Variants in ATP2C2 observed in about 807,000 individuals in gnomAD.
ATP2C2 encodes the protein calcium-transporting ATPase type 2C member 2.
ATP2C2 carries 171 observed loss-of-function variants against 110.8 expected under a neutral mutation model. The observed-to-expected ratio is 1.54, with a 90% CI of 1.36 to 1.75. The LOEUF (loss-of-function observed/expected upper bound fraction) is 1.75, where lower values mean the gene tolerates loss of function less well. ATP2C2 is among the 40% of genes most tolerant of loss of function. The probability of loss-of-function intolerance (pLI) is 0.00; values close to 1 mark genes in which losing one functional copy is unlikely to be tolerated. For missense variants in ATP2C2, 1,963 were observed against 1,235.0 expected (o/e 1.59, Z -8.84); for synonymous variants, 804 against 508.4 (o/e 1.58, Z -7.82).
chr16:84,377,751 C>G (rs1036966276), intron 1 of ATP2C2, among the ~76,000 whole-genome samples: 6 of 152,020 alleles, frequency 3.9e-5, no homozygotes, highest in Admixed American at 1.3e-4. Flanking sequence ...TTGGACAACT[C>G]AGTCCAACAC....
chr16:84,379,668 C>T (rs1398965688), intron 1 of ATP2C2, among the ~76,000 whole-genome samples: 1 of 152,220 alleles, frequency 6.6e-6, no homozygotes, highest in Non-Finnish European at 1.5e-5. Flanking sequence ...TTGAGTACTG[C>T]TGCTCTGGGT....
intron 14 of ATP2C2, among the ~76,000 whole-genome samples, chr16:84,441,213 A>C (rs1225751262): frequency 6.6e-6 from 1 of 152,136 alleles, no homozygotes; most frequent in African/African-American, 2.4e-5. Flanking sequence ...CAGGAGAATC[A>C]CTTGAGGCCA....
intron 6 of ATP2C2, among the ~76,000 whole-genome samples, chr16:84,413,262 C>G (rs562451676): frequency 6.6e-6 from 1 of 152,218 alleles, no homozygotes; most frequent in East Asian, 1.9e-4. Context: ...ATCCCAGGCA[C>G]ATGTTGTGCA....
chr16:84,434,306 C>T (rs573401658), intron 11 of ATP2C2, among the ~76,000 whole-genome samples: 1 of 151,560 alleles, frequency 6.6e-6, no homozygotes, highest in African/African-American at 2.4e-5. Flanking sequence ...GTCCCAGCTA[C>T]TCGGGAGGCT....
At chr16:84,446,211 G>A in intron 15 of ATP2C2, 118 bp from the exon 16 acceptor site, 1 of 485,502 alleles carries the variant, frequency 2.1e-6, no homozygotes, top group Non-Finnish European at 3.5e-6. Context: ...TGTGCTAAAT[G>A]CTTGGATTTC....
chr16:84,405,009 C>A (rs549709836), intron 2 of ATP2C2, 119 bp from the exon 3 acceptor site: 2 of 865,186 alleles, frequency 2.3e-6, no homozygotes, highest in Non-Finnish European at 4.0e-6. Context: ...CCTTGGTGGA[C>A]AAGCCTGTGT....
rs1186687801 is a variant in ATP2C2, at chr16:84,463,859, C to G, written c.*127C>G. 2.3e-6 allele frequency: 2 copies of G among 868,164 alleles called. No individual in the cohort carries two copies. Among genetic ancestry groups the G allele is most frequent in the Non-Finnish European group, 3.6e-6 (2 of 549,080 alleles). 53.8% of individuals were successfully genotyped at this position (868,164 alleles called of 1,614,324 possible). A position where few individuals can be genotyped will look rare whatever the true frequency, so the allele number is the denominator to read the frequency against. ...CCTTCCATCACCGGATCAGTTTTTCCTCTTAGGAAAGCTGCAGGAACCTCG... is the reference window on the plus strand; with the variant it reads ...CCTTCCATCACCGGATCAGTTTTTCGTCTTAGGAAAGCTGCAGGAACCTCG... On this transcript the variant is annotated 3_prime_UTR_variant, in exon 27 of 27. Transcript: ENST00000262429.
At chr16:84,396,786 A>G (rs772782794) in intron 1 of ATP2C2, among the ~76,000 whole-genome samples, 48 of 151,834 alleles carry the variant, frequency 3.2e-4, no homozygotes, top group Non-Finnish European at 5.6e-4. Context: ...CAAAGAATGC[A>G]ATGTTGACTT....
intron 11 of ATP2C2, among the ~76,000 whole-genome samples, chr16:84,429,518 C>T (rs777862257): frequency 4.6e-5 from 7 of 152,136 alleles, no homozygotes; most frequent in Non-Finnish European, 8.8e-5. Flanking sequence ...ACTGCGTGAT[C>T]TGTTCGTATC....
At chr16:84,383,784 T>TG (rs1351892582) in intron 1 of ATP2C2, among the ~76,000 whole-genome samples, 1 of 110,036 alleles carries the variant, frequency 9.1e-6, no homozygotes, top group Non-Finnish European at 1.9e-5. Context: ...GTTGGTTTTG[T>TG]TGGTTTTTTT....
chr16:84,436,976 G>T (rs1392456807), intron 11 of ATP2C2, among the ~76,000 whole-genome samples: 1 of 151,944 alleles, frequency 6.6e-6, no homozygotes, highest in Non-Finnish European at 1.5e-5. Flanking sequence ...TGGCCAGGCT[G>T]GTGTCGAACT....
chr16:84,437,921 C>A (rs1041033259), intron 11 of ATP2C2, among the ~76,000 whole-genome samples: 5 of 152,228 alleles, frequency 3.3e-5, no homozygotes, highest in African/African-American at 1.2e-4. Context: ...GCTCATCTTT[C>A]TTTCTTGTGT....
chr16:84,461,779 C>T lies in ATP2C2; in HGVS notation c.2547C>T (p.Phe849=), dbSNP rs756447335. 43 of 1,614,082 alleles carry T rather than the reference C, an allele frequency of 2.7e-5. No homozygotes were observed. The highest frequency in any genetic ancestry group is 1.2e-4 in the South Asian group (11 of 91,094). The change falls in exon 25 of 27, where the codon TTC becomes TTT. Residue 849 remains phenylalanine (F), a synonymous_variant. Transcript: ENST00000262429. ...TGACGTTCACTTGTTTTGTGTTTTT[C>T]GATCTCTTCAACGCCTTGACCTGCC... ...TTMTFTCFVF[F]DLFNALTCRS...
Position 84,461,771 on chromosome 16 carries a change from G to T in ATP2C2, c.2539G>T (p.Val847Leu), listed in dbSNP as rs201032275. 1.1e-5 allele frequency: 17 copies of T among 1,614,038 alleles called. No homozygotes were observed. In the South Asian group the frequency reaches 1.5e-4, roughly 15 times the overall value. Residue 847 changes from valine to leucine, a missense_variant, in exon 25 of 27, where the codon GTG becomes TTG. Val to Leu is a conservative substitution (Grantham distance 32). Coordinates refer to ENST00000262429, the MANE Select transcript of ATP2C2 (RefSeq NM_014861.4). ...CACGACGATGACGTTCACTTGTTTT[G>T]TGTTTTTCGATCTCTTCAACGCCTT... ...RTTTMTFTCF[V>L]FFDLFNALTC...
intron 7 of ATP2C2, among the ~76,000 whole-genome samples, chr16:84,421,475 T>C (rs973341951): frequency 4.6e-5 from 7 of 152,188 alleles, no homozygotes; most frequent in Admixed American, 1.3e-4. Flanking sequence ...GATCTAGCTG[T>C]GGTTCTCTGG....
In ATP2C2 at chr16:84,442,556, T is replaced by A. The variant is rs781064944; in HGVS notation, c.1358T>A (p.Met453Lys). Residue 453 changes from methionine (M) to lysine (K), a missense_variant, in exon 15 of 27, where the codon ATG (methionine) becomes AAG (lysine). Coordinates refer to ENST00000262429, the MANE Select transcript of ATP2C2 (RefSeq NM_014861.4). Reference protein sequence around the residue: ...NNAVIRKNAVMGQPTEGALMA... With the variant: ...NNAVIRKNAVKGQPTEGALMA... Reference sequence around the variant, plus strand: ...GCGGTCATCAGAAAGAACGCCGTGATGGGGCAGCCCACCGAGGGTGCATTG... The same window carrying A: ...GCGGTCATCAGAAAGAACGCCGTGAAGGGGCAGCCCACCGAGGGTGCATTG... 6 of 1,613,934 alleles carry A rather than the reference T, an allele frequency of 3.7e-6. No individual in the cohort carries two copies. The highest frequency in any genetic ancestry group is 4.2e-6 in the Non-Finnish European group (5 of 1,179,932).
rs189692302 is a variant in ATP2C2, at chr16:84,419,157, G to A, written c.625-3233G>A. Among the ~76,000 whole-genome samples the A allele has an allele frequency of 1.3e-3, 181 of 136,372 alleles. 1 individual carries two copies. Among genetic ancestry groups the A allele is most frequent in the African/African-American group, 4.6e-3 (168 of 36,702 alleles). The allele number at this position is 136,372 out of a possible 152,430, so 89.5% of individuals were successfully genotyped here. A position where few individuals can be genotyped will look rare whatever the true frequency, so the allele number is the denominator to read the frequency against. ...CTGGGAGGTGGGGTTTTAGTGAGCC[G>A]AGATTGCACCACTGCACTGTAGCCT... is the stretch of plus-strand genomic sequence containing the variant. On this transcript the variant is annotated intron_variant, in intron 7 of 26. Coordinates refer to ENST00000262429, the MANE Select transcript of ATP2C2 (RefSeq NM_014861.4).
intron 6 of ATP2C2, among the ~76,000 whole-genome samples, chr16:84,414,903 C>G (rs969271350): frequency 6.6e-6 from 1 of 152,030 alleles, no homozygotes; most frequent in Non-Finnish European, 1.5e-5. Flanking sequence ...TAAGAGCGCT[C>G]CAGCTGCCAT....
rs774061920 is a variant in ATP2C2 at position 84,460,921 on chromosome 16, C to A, written c.2481+120C>A. The A allele has an allele frequency of 1.8e-5, 24 of 1,351,610 alleles. No homozygotes were observed. In the African/African-American group the frequency reaches 3.4e-4, roughly 19 times the overall value. 83.7% of individuals were successfully genotyped at this position (1,351,610 alleles called of 1,614,324 possible). A position where few individuals can be genotyped will look rare whatever the true frequency, so the allele number is the denominator to read the frequency against. On this transcript the variant is annotated intron_variant, in intron 24 of 26. Coordinates refer to ENST00000262429, the MANE Select transcript of ATP2C2 (RefSeq NM_014861.4). ...GGGAGAGGCAAACATGTACACACAC[C>A]GGACAATGTGATGCCATCAGAGGCG... is the stretch of plus-strand genomic sequence containing the variant.
Sources: allele counts gnomAD v4.1 joint callset (sites outside exome capture counted in the v4.1 genomes callset), GRCh38; gene constraint gnomAD v4.1.1; transcripts MANE v1.5; gene names NCBI Gene and HGNC (gene_info 2026-07-23, HGNC 2026-07-21).